Variants in TCF7L1 observed in about 807,000 individuals in gnomAD.
TCF7L1 encodes transcription factor 7 like 1.
A neutral mutation model predicts 63.7 loss-of-function variants in TCF7L1; 18 were observed. The ratio of observed to expected loss-of-function variants is 0.28; its 90% CI spans 0.20 to 0.42. The LOEUF is 0.42. Among genes scored for constraint, TCF7L1 ranks in the 10% least tolerant of loss-of-function variants. TCF7L1 has a pLI of 1.00. For missense variants in TCF7L1, 654 were observed against 779.3 expected, an observed-to-expected ratio of 0.84 and a Z score of 1.91; for synonymous variants, 355 against 340.9, an observed-to-expected ratio of 1.04 and a Z score of -0.46.
In TCF7L1 at chr2:85,212,950, C is replaced by T. The variant is rs538357732; in HGVS notation, c.442-70545C>T. The stretch of plus-strand genomic sequence containing the variant: ...TGGCCCTAAGATGTCCCCTGGGACT[C>T]GAATGTGACAAAACCTTGTCCCTCA... On this transcript the variant is annotated intron_variant, in intron 3 of 11. Transcript: ENST00000282111. Among the ~76,000 whole-genome samples, 4 of 152,068 alleles carry T rather than the reference C, an allele frequency of 2.6e-5. No homozygotes were observed. In the South Asian group the frequency reaches 6.2e-4, roughly 24 times the overall value.
intron 3 of TCF7L1, among the ~76,000 whole-genome samples, chr2:85,260,336 TTA>T (rs1465241835): frequency 3.9e-5 from 6 of 152,140 alleles, no homozygotes; most frequent in African/African-American, 1.4e-4. Flanking sequence ...AATTCATCAT[TTA>T]AAGAGACCTT....
At chr2:85,305,548 T>C (rs985781707) in intron 8 of TCF7L1, 145 bp downstream of exon 8, 48 of 1,008,800 alleles carry the variant, frequency 4.8e-5, no homozygotes, top group Non-Finnish European at 6.2e-5. Flanking sequence ...GCCCTCCCTC[T>C]TCCTCGGGAC....
Position 85,306,906 on chromosome 2 carries a change from C to T in TCF7L1, c.1257+347C>T, listed in dbSNP as rs546497364. Among the ~76,000 whole-genome samples, 6 of 152,278 alleles carry T rather than the reference C, an allele frequency of 3.9e-5. No individual in the cohort carries two copies. Among genetic ancestry groups the T allele is most frequent in the African/African-American group, 1.2e-4 (5 of 41,562 alleles). ...GTCTCGAGCTCCTGACCTCGTGATC[C>T]GCCCACCTCGGCCTCCCAAAGCGCT... On this transcript the variant is annotated intron_variant, in intron 10 of 11. Coordinates refer to ENST00000282111, the MANE Select transcript of TCF7L1 (RefSeq NM_031283.3). This position sits in a 1 kb window ranked among gnomAD's most constrained non-coding sequence, Gnocchi z 4.3.
At chr2:85,182,069 G>A (rs1425978832) in intron 3 of TCF7L1, among the ~76,000 whole-genome samples, 2 of 152,196 alleles carry the variant, frequency 1.3e-5, no homozygotes, top group Non-Finnish European at 2.9e-5. Flanking sequence ...TGGACATGGG[G>A]AGGAGGCAGG....
Position 85,306,372 on chromosome 2 carries a change from C to T in TCF7L1, c.1149+7C>T, listed in dbSNP as rs1381507668. 4 of 1,613,742 alleles carry T rather than the reference C, an allele frequency of 2.5e-6. No homozygotes were observed. The highest frequency in any genetic ancestry group is 3.4e-6 in the Non-Finnish European group (4 of 1,179,660). On this transcript the variant is annotated splice_region_variant and intron_variant, in intron 9 of 11. Transcript: ENST00000282111. This position sits in a 1 kb window ranked among gnomAD's most constrained non-coding sequence, Gnocchi z 4.3. ...CCAGATCCTTGGAAGAAAGGTAAGACCTGCCCTCTCCCTCCAGGCCAGGGA... is the reference window on the plus strand; with the variant it reads ...CCAGATCCTTGGAAGAAAGGTAAGATCTGCCCTCTCCCTCCAGGCCAGGGA...
rs547316933 is a variant in TCF7L1, at chr2:85,175,686, C to T, written c.441+41236C>T. ...GCTGTTATCTGTATTCATTGTCTGC[C>T]TAAATAGTAGTGAACAGAGAAAAAA... On this transcript the variant is annotated intron_variant, in intron 3 of 11. Coordinates refer to ENST00000282111, the MANE Select transcript of TCF7L1 (RefSeq NM_031283.3). 2.6e-5 allele frequency among the ~76,000 whole-genome samples: 4 copies of T among 152,258 alleles called. No homozygotes were observed. In the South Asian group the frequency reaches 8.3e-4, roughly 32 times the overall value.
chr2:85,238,152 G>A (rs1680236118), intron 3 of TCF7L1, among the ~76,000 whole-genome samples: 1 of 152,196 alleles, frequency 6.6e-6, no homozygotes, highest in Non-Finnish European at 1.5e-5. Flanking sequence ...AGATTCAGTT[G>A]TGTAAGACAT....
chr2:85,140,574 G>A, intron 3 of TCF7L1, among the ~76,000 whole-genome samples: 1 of 151,900 alleles, frequency 6.6e-6, no homozygotes, highest in East Asian at 1.9e-4. Flanking sequence ...CAAGGCGGGT[G>A]GATCACCTGA....
chr2:85,139,156 G>T (rs554060149), intron 3 of TCF7L1, among the ~76,000 whole-genome samples: 2 of 151,904 alleles, frequency 1.3e-5, no homozygotes, highest in Admixed American at 6.6e-5. Context: ...TTACAGGTGC[G>T]TGCCACCACG....
At chr2:85,291,123 C>T (rs1681704663) in intron 4 of TCF7L1, among the ~76,000 whole-genome samples, 1 of 152,218 alleles carries the variant, frequency 6.6e-6, no homozygotes, top group African/African-American at 2.4e-5. Flanking sequence ...TGAATCCATG[C>T]TTCACAGCCC....
At chr2:85,181,508 G>A (rs1678805458) in intron 3 of TCF7L1, among the ~76,000 whole-genome samples, 1 of 152,200 alleles carries the variant, frequency 6.6e-6, no homozygotes, top group South Asian at 2.1e-4. Context: ...TGACTGTGTG[G>A]TGGCCAGGAG....
intron 3 of TCF7L1, among the ~76,000 whole-genome samples, chr2:85,191,762 T>G (rs925865173): frequency 1.3e-5 from 2 of 151,570 alleles, no homozygotes; most frequent in Non-Finnish European, 2.9e-5. Flanking sequence ...AAGGCAGAGG[T>G]TGCAGTGAGC....
intron 3 of TCF7L1, chr2:85,262,306 G>A: frequency 1.8e-6 from 1 of 550,528 alleles, no homozygotes; most frequent in Non-Finnish European, 3.7e-6. Flanking sequence ...CCTGGCCATG[G>A]TATGCCATGG....
At chr2:85,192,488 A>G (rs1679056995) in intron 3 of TCF7L1, among the ~76,000 whole-genome samples, 2 of 152,254 alleles carry the variant, frequency 1.3e-5, no homozygotes, top group Non-Finnish European at 2.9e-5. Flanking sequence ...CCCGGATTCA[A>G]GCGATTCTCA....
intron 3 of TCF7L1, among the ~76,000 whole-genome samples, chr2:85,267,305 T>C (rs1312220093): frequency 8.2e-6 from 1 of 121,480 alleles, no homozygotes; most frequent in Non-Finnish European, 1.6e-5. Flanking sequence ...CACTCCAGCC[T>C]GGGCAACAGA....
At chr2:85,308,447 C>CCCTCCCTCCTTTTCTCCCTCCCTTTCTG (rs1682185714) in intron 11 of TCF7L1, among the ~76,000 whole-genome samples, 1 of 62,352 alleles carries the variant, frequency 1.6e-5, no homozygotes, top group African/African-American at 8.5e-5. Context: ...CTCCCTTTCT[C>CCCTCCCTCCTTTTCTCCCTCCCTTTCTG]TTTCCCTCCC....
At chr2:85,145,822 T>C (rs1028701047) in intron 3 of TCF7L1, among the ~76,000 whole-genome samples, 1 of 152,276 alleles carries the variant, frequency 6.6e-6, no homozygotes, top group African/African-American at 2.4e-5. Context: ...GCTCCGGAGA[T>C]GATGCACATC....
rs1462422270 is a variant in TCF7L1 at position 85,309,517 on chromosome 2, GAAGAAA to G, written c.*65_*70del. 2 of 1,493,504 alleles carry G rather than the reference GAAGAAA, an allele frequency of 1.3e-6. No homozygotes were observed. The highest frequency in any genetic ancestry group is 2.3e-5 in the East Asian group (1 of 43,734). 92.5% of individuals were successfully genotyped at this position (1,493,504 alleles called of 1,614,324 possible). A position where few individuals can be genotyped will look rare whatever the true frequency, so the allele number is the denominator to read the frequency against. On this transcript the variant is annotated 3_prime_UTR_variant, in exon 12 of 12. Transcript: ENST00000282111. The stretch of plus-strand genomic sequence containing the variant: ...TGACTCATTGAGTAGTAATGATTCA[GAAGAAA>G]AAGAAAAAGGAGACTTTATTGGTCA...
chr2:85,222,685 A>G (rs1679873575), intron 3 of TCF7L1, among the ~76,000 whole-genome samples: 1 of 151,910 alleles, frequency 6.6e-6, no homozygotes, highest in South Asian at 2.1e-4. Context: ...AAAAAAAAAA[A>G]AAAAGATTAA....
Sources: gnomAD v4.1 joint callset for allele counts (sites outside exome capture counted in the v4.1 genomes callset) on GRCh38, gnomAD v4.1.1 for gene constraint, Gnocchi (gnomAD v3.1) non-coding constraint, MANE v1.5 for transcripts, NCBI Gene and HGNC (gene_info 2026-07-23, HGNC 2026-07-21) for gene names.